The following FANCL variants were observed in gnomAD, a reference collection of about 807,000 sequenced individuals.
FANCL encodes the protein E3 ubiquitin-protein ligase FANCL.
In FANCL, 69 loss-of-function variants were observed where a neutral mutation model predicts 59.4. That is an observed-to-expected ratio of 1.16 (90% CI 0.96 to 1.42). The LOEUF (loss-of-function observed/expected upper bound fraction) is 1.42. Among genes scored for constraint, FANCL ranks in the 40% most tolerant of loss-of-function variants. The pLI, the probability that FANCL is intolerant of heterozygous loss-of-function variation, is 0.00. For synonymous variants in FANCL, 180 were observed against 147.1 expected (o/e 1.22, Z -1.62); for missense variants, 519 against 447.2 (o/e 1.16, Z -1.45).
intron 7 of FANCL, among the ~76,000 whole-genome samples, chr2:58,185,798 C>G (rs1030065504): frequency 2.0e-5 from 3 of 152,058 alleles, no homozygotes; most frequent in Non-Finnish European, 2.9e-5. Context: ...AGGAGATAAA[C>G]AAAAATTCTG....
At chr2:58,218,773 T>C (rs1381214833) in intron 5 of FANCL, among the ~76,000 whole-genome samples, 1 of 152,006 alleles carries the variant, frequency 6.6e-6, no homozygotes, top group African/African-American at 2.4e-5. Context: ...GGTTTCTCCC[T>C]GTTGGAGTAT....
intron 7 of FANCL, among the ~76,000 whole-genome samples, chr2:58,178,144 C>G (rs2104934592): frequency 6.6e-6 from 1 of 152,254 alleles, no homozygotes; most frequent in East Asian, 1.9e-4. Context: ...GATTCACAGC[C>G]AAATTCTACC....
chr2:58,196,117 T>A (rs1270521060), intron 7 of FANCL, among the ~76,000 whole-genome samples: 3 of 152,054 alleles, frequency 2.0e-5, no homozygotes, highest in African/African-American at 4.8e-5. Flanking sequence ...ACTGAAATTA[T>A]ATAATGTTAA....
chr2:58,207,311 A>T (rs956127247), intron 5 of FANCL, among the ~76,000 whole-genome samples: 1 of 152,190 alleles, frequency 6.6e-6, no homozygotes, highest in Non-Finnish European at 1.5e-5. Context: ...AAGGTATGAC[A>T]TATCTGCACT....
intron 1 of FANCL, among the ~76,000 whole-genome samples, chr2:58,240,863 G>A (rs1694461881): frequency 1.3e-5 from 2 of 152,048 alleles, no homozygotes; most frequent in South Asian, 2.1e-4. Context: ...GGAGGTGGAG[G>A]GTGTTAAAAT....
chr2:58,191,246 C>A (rs1353044510), intron 7 of FANCL, among the ~76,000 whole-genome samples: 2 of 151,700 alleles, frequency 1.3e-5, no homozygotes, highest in Non-Finnish European at 3.0e-5. Flanking sequence ...AAATTTGCTT[C>A]ACTAATATTG....
chr2:58,238,221 T>C (rs1443810555), intron 1 of FANCL, among the ~76,000 whole-genome samples: 1 of 152,160 alleles, frequency 6.6e-6, no homozygotes, highest in Non-Finnish European at 1.5e-5. Context: ...CCCAAGACAA[T>C]TCTTCTTCTT....
chr2:58,159,931 C>G, intron 13 of FANCL, 131 bp from the exon 14 acceptor site: 1 of 1,530,408 alleles, frequency 6.5e-7, no homozygotes, highest in Non-Finnish European at 8.8e-7. Context: ...TTTCAGATCA[C>G]CTAGGAAATC....
intron 4 of FANCL, among the ~76,000 whole-genome samples, chr2:58,225,156 A>C (rs868579726): frequency 2.6e-5 from 4 of 151,756 alleles, no homozygotes; most frequent in Non-Finnish European, 5.9e-5. Context: ...CAATTTAAGC[A>C]TCAAAAAGAA....
chr2:58,234,328 G>A (rs868581967), intron 1 of FANCL, among the ~76,000 whole-genome samples: 8 of 151,788 alleles, frequency 5.3e-5, no homozygotes, highest in Middle Eastern at 3.2e-3. Flanking sequence ...CTGAATAAAC[G>A]CAGGGTGAAA....
intron 1 of FANCL, among the ~76,000 whole-genome samples, chr2:58,239,568 G>A (rs943530909): frequency 2.6e-5 from 4 of 152,110 alleles, no homozygotes; most frequent in African/African-American, 9.7e-5. Flanking sequence ...ACATACAACT[G>A]TATCATAAAC....
intron 7 of FANCL, among the ~76,000 whole-genome samples, chr2:58,194,903 A>T (rs536407316): frequency 6.7e-6 from 1 of 149,910 alleles, no homozygotes; most frequent in South Asian, 2.1e-4. Flanking sequence ...TATGGATGCC[A>T]CAAAGCCATG....
intron 4 of FANCL, 100 bp from the exon 5 acceptor site, chr2:58,222,142 A>G: frequency 1.3e-6 from 1 of 793,520 alleles, no homozygotes; most frequent in Non-Finnish European, 2.1e-6. Flanking sequence ...CTTAGTGCCT[A>G]ATAAAAGTGC....
intron 5 of FANCL, 83 bp downstream of exon 5, chr2:58,221,859 G>T: frequency 1.1e-6 from 1 of 931,662 alleles, no homozygotes; most frequent in Non-Finnish European, 1.7e-6. Context: ...CTAAAATCAG[G>T]TATAAACTGC....
intron 6 of FANCL, among the ~76,000 whole-genome samples, chr2:58,203,924 A>T (rs1188087185): frequency 3.3e-5 from 5 of 152,096 alleles, no homozygotes; most frequent in African/African-American, 1.2e-4. Flanking sequence ...TATTTTGAGC[A>T]AATTTGGACT....
chr2:58,182,687 TACATC>T (rs1196944459), intron 7 of FANCL, among the ~76,000 whole-genome samples: 4 of 149,938 alleles, frequency 2.7e-5, no homozygotes, highest in African/African-American at 1.0e-4. Context: ...AATCCTCACT[TACATC>T]ACATCAGGTT....
At position 58,212,121 on chromosome 2, in the gene FANCL, A is replaced by G. The variant is rs541470035; in HGVS notation, c.375-7895T>C. On this transcript the variant is annotated intron_variant, in intron 5 of 13. Coordinates refer to ENST00000233741, the MANE Select transcript of FANCL (RefSeq NM_018062.4). ...CATACCCAAGATTGGGCAATTTACA[A>G]AAGAAAGAGGTTTAATTGGACTTAC... Among the ~76,000 whole-genome samples, 70 of 152,346 alleles carry G rather than the reference A, an allele frequency of 4.6e-4. 1 individual carries two copies. In the South Asian group the frequency reaches 0.014, roughly 30 times the overall value.
intron 7 of FANCL, among the ~76,000 whole-genome samples, chr2:58,193,326 A>C (rs186783325): frequency 6.6e-6 from 1 of 152,212 alleles, no homozygotes; most frequent in African/African-American, 2.4e-5. Flanking sequence ...TGCCTAAATA[A>C]AAGCATTAAT....
intron 4 of FANCL, among the ~76,000 whole-genome samples, chr2:58,224,988 C>A (rs1333292848): frequency 6.6e-6 from 1 of 151,838 alleles, no homozygotes. Context: ...CTATTTCCCA[C>A]AAAGAAATCA....
Sources: allele counts gnomAD v4.1 joint callset (sites outside exome capture counted in the v4.1 genomes callset), GRCh38; gene constraint gnomAD v4.1.1; transcripts MANE v1.5; gene names NCBI Gene and HGNC (gene_info 2026-07-23, HGNC 2026-07-21).